The following GATA4 variants were observed in gnomAD, a reference collection of about 807,000 sequenced individuals.
GATA4 encodes transcription factor GATA-4.
Under a neutral mutation model 37.9 loss-of-function variants are expected in GATA4, and 7 were observed. The observed-to-expected ratio is 0.18, with a 90% CI of 0.11 to 0.35. The LOEUF (loss-of-function observed/expected upper bound fraction) is 0.35. GATA4 is among the 10% of genes least tolerant of loss of function. The pLI is 1.00. For missense variants in GATA4, 647 were observed against 653.0 expected (o/e 0.99, Z 0.10); for synonymous variants, 372 against 292.6 (o/e 1.27, Z -2.77).
chr8:11,678,906 A>C (rs1187779269), intron 1 of GATA4, among the ~76,000 whole-genome samples: 1 of 152,196 alleles, frequency 6.6e-6, no homozygotes, highest in Non-Finnish European at 1.5e-5. Flanking sequence ...TTGTGTGCTT[A>C]GTATTGAGGA....
chr8:11,749,232 T>G lies in GATA4; in HGVS notation c.786+147T>G. ...AGCCCCATAATAATTCTCACAACTTTAGAGTTAGCTGGAGCCACCAGAATG... is the reference window on the plus strand; with the variant it reads ...AGCCCCATAATAATTCTCACAACTTGAGAGTTAGCTGGAGCCACCAGAATG... On this transcript the variant is annotated intron_variant, in intron 3 of 6. Transcript: ENST00000532059. The surrounding 1 kb of genome is among the most constrained non-coding windows in gnomAD (Gnocchi z 4.6). 1.3e-6 allele frequency: 1 copy of G among 794,620 alleles called. No homozygotes were observed. Among genetic ancestry groups the G allele is most frequent in the Non-Finnish European group, 2.1e-6 (1 of 485,640 alleles). The allele number at this position is 794,620 out of a possible 1,614,324, so 49.2% of individuals were successfully genotyped here.
chr8:11,689,496 C>T (rs541118452), upstream of GATA4, among the ~76,000 whole-genome samples: 1 of 152,308 alleles, frequency 6.6e-6, no homozygotes, highest in East Asian at 1.9e-4. Context: ...GCCCCACACA[C>T]ACTTGGCTAC....
Position 11,710,414 on chromosome 8 carries a change from G to C in GATA4, c.616+1486G>C, listed in dbSNP as rs28422769. Among the ~76,000 whole-genome samples, 428 of 152,124 alleles carry C rather than the reference G, an allele frequency of 2.8e-3. 1 individual carries two copies. The highest frequency in any genetic ancestry group is 9.8e-3 in the African/African-American group (405 of 41,512). On this transcript the variant is annotated intron_variant, in intron 2 of 6. Transcript: ENST00000532059. ...CGGCGCCCTGGCCTTGCGCGCTTAC[G>C]GGGTCCTCTCCAGGGCCCTCTGGGG...
intron 2 of GATA4, among the ~76,000 whole-genome samples, chr8:11,747,672 T>G (rs1802098234): frequency 6.6e-6 from 1 of 152,076 alleles, no homozygotes; most frequent in Admixed American, 6.6e-5. Flanking sequence ...TCTCAGAGAG[T>G]ATCTTAAGGA....
chr8:11,736,730 G>A (rs1801477838), intron 2 of GATA4, among the ~76,000 whole-genome samples: 1 of 152,160 alleles, frequency 6.6e-6, no homozygotes, highest in Admixed American at 6.5e-5. Flanking sequence ...GAGTTCTGCA[G>A]CTTAAAAAAA....
At chr8:11,722,642 A>T (rs1377721832) in intron 2 of GATA4, among the ~76,000 whole-genome samples, 1 of 152,180 alleles carries the variant, frequency 6.6e-6, no homozygotes, top group African/African-American at 2.4e-5. Context: ...ACTTCTGCAG[A>T]CTGGATTTTG....
chr8:11,693,902 A>G (rs1799422941), intron 1 of GATA4, among the ~76,000 whole-genome samples: 2 of 152,182 alleles, frequency 1.3e-5, no homozygotes, highest in East Asian at 1.9e-4. Context: ...CTCAGGCCAC[A>G]GCCTGTGTGT....
At chr8:11,689,094 G>A (rs1245429966), upstream of GATA4, among the ~76,000 whole-genome samples, 1 of 152,154 alleles carries the variant, frequency 6.6e-6, no homozygotes, top group African/African-American at 2.4e-5. Context: ...TTTGCTCTTA[G>A]CTGCCCAGAC....
In GATA4 at chr8:11,749,142, G is replaced by A; in HGVS notation, c.786+57G>A. 6.4e-7 allele frequency: 1 copy of A among 1,572,436 alleles called. No individual in the cohort carries two copies. Among genetic ancestry groups the A allele is most frequent in the Non-Finnish European group, 8.7e-7 (1 of 1,149,764 alleles). On this transcript the variant is annotated intron_variant, in intron 3 of 6. Transcript: ENST00000532059. The surrounding 1 kb of genome is among the most constrained non-coding windows in gnomAD (Gnocchi z 4.6). ...ACCTGGCTGCGGAGCTCTCGCCTTGGTGGGACATCCTCTGGTTTTGAATTT... is the reference window on the plus strand; with the variant it reads ...ACCTGGCTGCGGAGCTCTCGCCTTGATGGGACATCCTCTGGTTTTGAATTT...
chr8:11,687,370 T>A (rs1409602693), intron 1 of GATA4, among the ~76,000 whole-genome samples: 1 of 152,150 alleles, frequency 6.6e-6, no homozygotes, highest in East Asian at 1.9e-4. Context: ...GTGCTCCATC[T>A]TTGTACAGTT....
chr8:11,743,375 GC>G (rs1240232455), intron 2 of GATA4, among the ~76,000 whole-genome samples: 1 of 152,288 alleles, frequency 6.6e-6, no homozygotes, highest in Admixed American at 6.5e-5. Flanking sequence ...CATCAACTCT[GC>G]CTCCAGGCAT....
chr8:11,681,395 C>A, intron 1 of GATA4: 3 of 985,290 alleles, frequency 3.0e-6, no homozygotes, highest in African/African-American at 1.7e-5. Flanking sequence ...GCAGACCCTT[C>A]CGGGATCACG....
intron 2 of GATA4, among the ~76,000 whole-genome samples, chr8:11,725,326 TGA>T (rs1388085723): frequency 6.6e-6 from 1 of 152,220 alleles, no homozygotes; most frequent in African/African-American, 2.4e-5. Context: ...GAGTACATTT[TGA>T]GTAGGTTGTG....
intron 2 of GATA4, among the ~76,000 whole-genome samples, chr8:11,717,398 A>T (rs1347064317): frequency 6.6e-6 from 1 of 152,206 alleles, no homozygotes; most frequent in Non-Finnish European, 1.5e-5. Context: ...AAATCATCTG[A>T]TGCCAGGGAC....
At chr8:11,713,060 T>C (rs1800270655) in intron 2 of GATA4, among the ~76,000 whole-genome samples, 1 of 152,210 alleles carries the variant, frequency 6.6e-6, no homozygotes, top group African/African-American at 2.4e-5. Context: ...CACTTTTTTT[T>C]TTCTATGTAA....
chr8:11,713,174 G>T (rs1037432163), intron 2 of GATA4, among the ~76,000 whole-genome samples: 10 of 152,186 alleles, frequency 6.6e-5, no homozygotes, highest in Non-Finnish European at 1.5e-4. Context: ...AGGGGCCTCT[G>T]TAAAGCCCTG....
At chr8:11,693,560 CACAGAGAGAGAGAGAGAG>C (rs1161721400) in intron 1 of GATA4, among the ~76,000 whole-genome samples, 5 of 68,824 alleles carry the variant, frequency 7.3e-5, no homozygotes, top group Non-Finnish European at 1.5e-4. Flanking sequence ...CACACACACA[CACAGAGAGAGAGAGAGAG>C]AGAGAGAGAG....
At chr8:11,743,135 G>A (rs1801841544) in intron 2 of GATA4, among the ~76,000 whole-genome samples, 1 of 152,366 alleles carries the variant, frequency 6.6e-6, no homozygotes, top group Admixed American at 6.5e-5. Flanking sequence ...GAAGCTGGAG[G>A]TGGTGGGCTG....
At chr8:11,683,264 C>A in intron 1 of GATA4, 1 of 420,672 alleles carries the variant, frequency 2.4e-6, no homozygotes. Flanking sequence ...TCCACCTGGC[C>A]CTGGGAGGCG....
Sources: allele counts gnomAD v4.1 joint callset (sites outside exome capture counted in the v4.1 genomes callset), GRCh38; gene constraint gnomAD v4.1.1; non-coding constraint Gnocchi (gnomAD v3.1); transcripts MANE v1.5; gene names NCBI Gene and HGNC (gene_info 2026-07-23, HGNC 2026-07-21).